CPEB1: variants seen among roughly 807,000 people sequenced by gnomAD.
CPEB1 encodes cytoplasmic polyadenylation element-binding protein 1.
CPEB1 carries 7 observed loss-of-function variants against 65.8 expected under a neutral mutation model. The observed-to-expected ratio is 0.11, with a 90% CI of 0.06 to 0.20. The LOEUF is 0.20. Ranked by LOEUF, CPEB1 falls within the 10% of genes least tolerant of loss-of-function variation. The pLI is 1.00. For missense variants in CPEB1, 551 were observed against 712.2 expected (o/e 0.77, Z 2.58); for synonymous variants, 262 against 260.0 (o/e 1.01, Z -0.08).
chr15:82,544,496 A>G lies in CPEB1; in HGVS notation c.*96T>C. 1.2e-6 allele frequency: 1 copy of G among 817,806 alleles called. No individual in the cohort carries two copies. Among genetic ancestry groups the G allele is most frequent in the Non-Finnish European group, 2.0e-6 (1 of 502,164 alleles). 50.7% of individuals were successfully genotyped at this position (817,806 alleles called of 1,614,324 possible). On this transcript the variant is annotated 3_prime_UTR_variant, in exon 13 of 13. Coordinates refer to ENST00000684509, the MANE Select transcript of CPEB1 (RefSeq NM_001365242.1). ...CTACAATTTTCCCTTGTCCTTGGGA[A>G]GCCAGCTCCCTGGTCGCCAGTGGCA...
chr15:82,607,699 C>G (rs900660740), intron 3 of CPEB1, among the ~76,000 whole-genome samples: 4 of 151,996 alleles, frequency 2.6e-5, no homozygotes, highest in Admixed American at 1.3e-4. Context: ...TATTACCAGA[C>G]AAAACAGACA....
chr15:82,559,345 G>A (rs1448279589), intron 4 of CPEB1, among the ~76,000 whole-genome samples: 1 of 152,148 alleles, frequency 6.6e-6, no homozygotes, highest in Non-Finnish European at 1.5e-5. Flanking sequence ...CATGGTAGGT[G>A]TATCCTTAAC....
intron 3 of CPEB1, among the ~76,000 whole-genome samples, chr15:82,616,541 T>G (rs2044730888): frequency 6.6e-6 from 1 of 150,744 alleles, no homozygotes; most frequent in South Asian, 2.1e-4. Flanking sequence ...TTTTAAATTT[T>G]TTTTTTTTTT....
intron 3 of CPEB1, among the ~76,000 whole-genome samples, chr15:82,623,553 G>A (rs12911812): frequency 0.015 from 2,227 of 152,262 alleles, 28 homozygotes; most frequent in East Asian, 0.024. Flanking sequence ...GGGCATACCC[G>A]TAATCCCAGT....
Position 82,613,374 on chromosome 15 carries a change from T to TG in CPEB1, c.271+13818dup, listed in dbSNP as rs554979950. Among the ~76,000 whole-genome samples, 173 of 152,274 alleles carry TG rather than the reference T, an allele frequency of 1.1e-3. 2 individuals carry two copies. The highest frequency in any genetic ancestry group is 0.011 in the Admixed American group (162 of 15,292). On this transcript the variant is annotated intron_variant, in intron 3 of 12. Coordinates refer to ENST00000684509, the MANE Select transcript of CPEB1 (RefSeq NM_001365242.1). ...ATTCATGATTTTATGTTTGTTTTCT[T>TG]GGGGGTTTTTTTGTTTTGTTTTGTT... is the stretch of plus-strand genomic sequence containing the variant.
intron 3 of CPEB1, among the ~76,000 whole-genome samples, chr15:82,578,039 C>A (rs1316949347): frequency 6.6e-6 from 1 of 152,098 alleles, no homozygotes; most frequent in African/African-American, 2.4e-5. Context: ...AATCGGGAGG[C>A]TGAGGCAGAA....
At chr15:82,614,848 AGTGTGTGTGTGTGT>A (rs752486940) in intron 3 of CPEB1, among the ~76,000 whole-genome samples, 9 of 144,002 alleles carry the variant, frequency 6.2e-5, no homozygotes, top group Middle Eastern at 3.6e-3. Flanking sequence ...TTAAAATATA[AGTGTGTGTGTGTGT>A]GTGTGTGTGT....
upstream of CPEB1, chr15:82,647,967 G>T: frequency 1.0e-6 from 1 of 963,472 alleles, no homozygotes; most frequent in Non-Finnish European, 1.3e-6. Context: ...AGCGGGCCGC[G>T]CGCAGCCCCG....
intron 3 of CPEB1, chr15:82,573,166 A>G (rs2040269680): frequency 6.5e-7 from 1 of 1,534,600 alleles, no homozygotes; most frequent in Non-Finnish European, 8.7e-7. Flanking sequence ...TTCCTGCAGT[A>G]CACCCTGTGT....
intron 4 of CPEB1, among the ~76,000 whole-genome samples, chr15:82,563,412 A>G (rs2038583624): frequency 7.8e-6 from 1 of 128,066 alleles, no homozygotes; most frequent in Non-Finnish European, 1.6e-5. Flanking sequence ...AACCCAGGCT[A>G]GAGCGCAGGT....
At chr15:82,569,225 G>A (rs2039641574) in intron 4 of CPEB1, among the ~76,000 whole-genome samples, 1 of 152,184 alleles carries the variant, frequency 6.6e-6, no homozygotes, top group South Asian at 2.1e-4. Context: ...CCTACTCCAG[G>A]AGGTAGTACC....
chr15:82,639,675 G>T (rs915955324), intron 1 of CPEB1, among the ~76,000 whole-genome samples: 3 of 152,072 alleles, frequency 2.0e-5, no homozygotes, highest in Non-Finnish European at 4.4e-5. Context: ...CTACCATCTG[G>T]GAACCTAAAT....
intron 4 of CPEB1, among the ~76,000 whole-genome samples, chr15:82,567,693 C>T (rs2039379829): frequency 6.6e-6 from 1 of 152,034 alleles, no homozygotes; most frequent in South Asian, 2.1e-4. Flanking sequence ...CCTCAAGAGA[C>T]TTCTAAAGGG....
intron 3 of CPEB1, among the ~76,000 whole-genome samples, chr15:82,580,332 A>AG (rs1309457768): frequency 2.0e-5 from 3 of 151,872 alleles, no homozygotes; most frequent in East Asian, 3.9e-4. Context: ...AAAAAAAAAA[A>AG]AAGAAGAAGA....
chr15:82,574,491 G>A (rs1005201890), intron 3 of CPEB1, among the ~76,000 whole-genome samples: 4 of 152,106 alleles, frequency 2.6e-5, no homozygotes, highest in African/African-American at 9.7e-5. Context: ...GCTGAGGCAG[G>A]CAGATCGCTT....
chr15:82,646,344 T>G (rs954257842), intron 1 of CPEB1, among the ~76,000 whole-genome samples: 1 of 152,084 alleles, frequency 6.6e-6, no homozygotes, highest in African/African-American at 2.4e-5. Flanking sequence ...GCCCAGTAGT[T>G]GACTCAGGTG....
intron 10 of CPEB1, among the ~76,000 whole-genome samples, chr15:82,548,333 C>CA (rs199722929): frequency 1.7e-4 from 25 of 149,334 alleles, no homozygotes; most frequent in African/African-American, 5.2e-4. Context: ...GACTCCATCT[C>CA]AAAAAAAAAA....
At chr15:82,629,102 AG>A (rs1194340419) in intron 1 of CPEB1, 1 of 192,340 alleles carries the variant, frequency 5.2e-6, no homozygotes, top group African/African-American at 2.4e-5. Context: ...TAGGGTATGT[AG>A]ATTTTATGTC....
intron 3 of CPEB1, among the ~76,000 whole-genome samples, chr15:82,616,745 G>A (rs2044753442): frequency 6.6e-6 from 1 of 151,964 alleles, no homozygotes; most frequent in African/African-American, 2.4e-5. Flanking sequence ...GTTTCACCAT[G>A]TTGGCCAGGC....
Sources: allele counts gnomAD v4.1 joint callset (sites outside exome capture counted in the v4.1 genomes callset), GRCh38; gene constraint gnomAD v4.1.1; transcripts MANE v1.5; gene names NCBI Gene and HGNC (gene_info 2026-07-23, HGNC 2026-07-21).